Variants in MYO16 observed in about 807,000 individuals in gnomAD.
MYO16 encodes unconventional myosin-XVI.
A neutral mutation model predicts 205.3 loss-of-function variants in MYO16; 94 were observed. The observed-to-expected ratio is 0.46, with a 90% CI of 0.39 to 0.54. The LOEUF (loss-of-function observed/expected upper bound fraction) is 0.54. Among genes scored for constraint, MYO16 ranks in the 20% least tolerant of loss-of-function variants. The probability of loss-of-function intolerance (pLI) is 0.00; values close to 1 mark genes in which losing one functional copy is unlikely to be tolerated. For missense variants in MYO16, 2,315 were observed against 2,387.5 expected, an observed-to-expected ratio of 0.97 and a Z score of 0.63; for synonymous variants, 988 against 954.0, an observed-to-expected ratio of 1.04 and a Z score of -0.66.
chr13:108,604,611 T>C (rs1209835426), intron 1 of MYO16, among the ~76,000 whole-genome samples: 1 of 152,226 alleles, frequency 6.6e-6, no homozygotes, highest in Admixed American at 6.5e-5. Flanking sequence ...AGTTTTGAAT[T>C]GTTGAAGTCA....
chr13:108,717,247 A>G (rs760627716), intron 3 of MYO16, among the ~76,000 whole-genome samples: 7 of 152,132 alleles, frequency 4.6e-5, no homozygotes, highest in Non-Finnish European at 1.0e-4. Flanking sequence ...AATATATTAG[A>G]AATAAGAACT....
At chr13:108,726,432 A>C (rs1884338793) in intron 3 of MYO16, among the ~76,000 whole-genome samples, 1 of 151,718 alleles carries the variant, frequency 6.6e-6, no homozygotes, top group Non-Finnish European at 1.5e-5. Flanking sequence ...GGTGGCATGC[A>C]CCTCTAGTCC....
chr13:108,715,282 T>TG (rs1404755061), intron 3 of MYO16, among the ~76,000 whole-genome samples: 4 of 152,196 alleles, frequency 2.6e-5, no homozygotes, highest in African/African-American at 9.6e-5. Flanking sequence ...TGACTTGCTG[T>TG]GGGTCTCTGC....
chr13:108,905,640 C>T (rs529669732), intron 15 of MYO16, among the ~76,000 whole-genome samples: 5 of 152,278 alleles, frequency 3.3e-5, no homozygotes, highest in East Asian at 3.9e-4. Context: ...TCACCAAAAA[C>T]AGGTTGAAGG....
chr13:108,802,000 G>T (rs1886982011), intron 6 of MYO16, among the ~76,000 whole-genome samples: 1 of 152,042 alleles, frequency 6.6e-6, no homozygotes, highest in Admixed American at 6.5e-5. Context: ...CATTTATGGG[G>T]TACAGTGTGA....
At chr13:108,784,957 G>T (rs1566327143) in intron 4 of MYO16, among the ~76,000 whole-genome samples, 1 of 152,184 alleles carries the variant, frequency 6.6e-6, no homozygotes, top group Non-Finnish European at 1.5e-5. Flanking sequence ...AAGCTGAGAG[G>T]GGCAAGGGGT....
chr13:109,063,837 A>G (rs1369991578), intron 27 of MYO16, among the ~76,000 whole-genome samples: 1 of 152,160 alleles, frequency 6.6e-6, no homozygotes, highest in Non-Finnish European at 1.5e-5. Flanking sequence ...GGTTTCAAAG[A>G]TTTTGAGGCA....
intron 2 of MYO16, among the ~76,000 whole-genome samples, chr13:108,700,158 C>A (rs1434187779): frequency 1.3e-5 from 2 of 151,912 alleles, no homozygotes; most frequent in Non-Finnish European, 2.9e-5. Flanking sequence ...CAGGGTGAAA[C>A]CCTTTCTCTA....
intron 3 of MYO16, among the ~76,000 whole-genome samples, chr13:108,713,165 C>T (rs1449203257): frequency 1.3e-5 from 2 of 151,934 alleles, no homozygotes; most frequent in African/African-American, 4.8e-5. Context: ...AAATAAATAA[C>T]TACATTTAAA....
At chr13:108,838,674 A>ATAT (rs1286109846) in intron 9 of MYO16, among the ~76,000 whole-genome samples, 9 of 117,940 alleles carry the variant, frequency 7.6e-5, no homozygotes, top group East Asian at 9.3e-4. Flanking sequence ...TCAAAAAAAA[A>ATAT]AAAAATATAT....
intron 16 of MYO16, among the ~76,000 whole-genome samples, chr13:108,912,257 A>T (rs1185202485): frequency 2.0e-5 from 3 of 152,200 alleles, no homozygotes; most frequent in African/African-American, 7.2e-5. Flanking sequence ...TTATCATTAA[A>T]TTTCAGTGAA....
In MYO16 at chr13:109,165,030, C is replaced by T; in HGVS notation, c.5294C>T (p.Thr1765Ile). The change falls in exon 33 of 35, where the codon ACT becomes ATT. Residue 1765 changes from threonine to isoleucine, a missense_variant. Physicochemically the swap from Thr to Ile is moderately conservative, Grantham distance 89 (BLOSUM62 -1). Coordinates refer to ENST00000457511, the MANE Select transcript of MYO16 (RefSeq NM_001198950.3). ...QLSNSLSSAI[T>I]AENGNSISNG... is the part of the protein sequence containing the mutation. ...TCTAATTCACTATCTAGTGCTATAA[C>T]TGCTGAAAATGGAAATTCCATCTCA... 1 of 1,595,342 alleles carries T rather than the reference C, an allele frequency of 6.3e-7. No individual in the cohort carries two copies. Among genetic ancestry groups the T allele is most frequent in the African/African-American group, 1.4e-5 (1 of 73,980 alleles).
chr13:108,673,467 C>T (rs1024292376), intron 2 of MYO16, among the ~76,000 whole-genome samples: 1 of 151,706 alleles, frequency 6.6e-6, no homozygotes, highest in Non-Finnish European at 1.5e-5. Context: ...AACTTGTAAG[C>T]ATATTTACAG....
intron 24 of MYO16, among the ~76,000 whole-genome samples, chr13:109,050,747 T>C (rs1887221353): frequency 1.3e-5 from 2 of 152,212 alleles, no homozygotes; most frequent in South Asian, 4.1e-4. Context: ...GATTCTTATG[T>C]TATTCAATGA....
chr13:108,707,379 C>T (rs767193841), intron 2 of MYO16, among the ~76,000 whole-genome samples: 2 of 152,174 alleles, frequency 1.3e-5, no homozygotes, highest in South Asian at 2.1e-4. Flanking sequence ...ACATCTTTGA[C>T]TGCCTGAATT....
the MYO16 span, among the ~76,000 whole-genome samples, chr13:108,572,768 A>G: frequency 6.6e-6 from 1 of 152,178 alleles, no homozygotes; most frequent in Non-Finnish European, 1.5e-5. Flanking sequence ...CACTAGATCT[A>G]TCGGTATATT....
At chr13:108,677,920 A>G (rs1297612885) in intron 2 of MYO16, among the ~76,000 whole-genome samples, 1 of 152,186 alleles carries the variant, frequency 6.6e-6, no homozygotes, top group East Asian at 1.9e-4. Context: ...TATTGTGCTC[A>G]CAACAGTCTA....
At chr13:108,731,174 A>G (rs1207195184) in intron 4 of MYO16, among the ~76,000 whole-genome samples, 2 of 152,218 alleles carry the variant, frequency 1.3e-5, no homozygotes, top group South Asian at 4.1e-4. Context: ...CATTTAATAA[A>G]TAATTAGCTT....
the MYO16 span, among the ~76,000 whole-genome samples, chr13:108,582,421 T>A: frequency 1.2e-4 from 18 of 152,272 alleles, no homozygotes; most frequent in Middle Eastern, 6.8e-3. Context: ...CTTCTAAACC[T>A]GAGATCTTTA....
Sources: gnomAD v4.1 joint callset for allele counts (sites outside exome capture counted in the v4.1 genomes callset) on GRCh38, gnomAD v4.1.1 for gene constraint, MANE v1.5 for transcripts, NCBI Gene and HGNC (gene_info 2026-07-23, HGNC 2026-07-21) for gene names.